ADAMTS18: variants seen among roughly 807,000 people sequenced by gnomAD.
The protein encoded by ADAMTS18 is ADAM metallopeptidase with thrombospondin type 1 motif 18.
In ADAMTS18, 157 loss-of-function variants were observed where a neutral mutation model predicts 165.9. The observed-to-expected ratio is 0.95, with a 90% CI of 0.83 to 1.08. ADAMTS18 has a LOEUF of 1.08. ADAMTS18 is among the 50% of genes least tolerant of loss of function. The pLI is 0.00. For synonymous variants in ADAMTS18, 782 were observed against 578.2 expected, an observed-to-expected ratio of 1.35 and a Z score of -5.06; for missense variants, 2,040 against 1,534.0, an observed-to-expected ratio of 1.33 and a Z score of -5.51.
chr16:77,363,667 T>C, intron 6 of ADAMTS18, 135 bp downstream of exon 6: 3 of 715,392 alleles, frequency 4.2e-6, no homozygotes, highest in Non-Finnish European at 7.3e-6. Flanking sequence ...AAAATTGTAC[T>C]TTGAGGAGAG....
In ADAMTS18 at chr16:77,392,548, C is replaced by G. The variant is rs138973945; in HGVS notation, c.496-24825G>C. Reference sequence around the variant, plus strand: ...CATCACTTCCCATGCCTGCCCCCTGCTTCACTTTCCTTCATTACACTTTAC... The same window carrying G: ...CATCACTTCCCATGCCTGCCCCCTGGTTCACTTTCCTTCATTACACTTTAC... On this transcript the variant is annotated intron_variant, in intron 3 of 22. Transcript: ENST00000282849. Among the ~76,000 whole-genome samples the G allele has an allele frequency of 6.3e-4, 96 of 152,270 alleles. 1 individual carries two copies. Among genetic ancestry groups the G allele is most frequent in the African/African-American group, 2.0e-3 (84 of 41,548 alleles).
intron 12 of ADAMTS18, among the ~76,000 whole-genome samples, chr16:77,332,961 G>A (rs1490026670): frequency 1.3e-5 from 2 of 152,198 alleles, no homozygotes; most frequent in East Asian, 3.9e-4. Flanking sequence ...ACGTGTTGAT[G>A]TACATTCCTG....
intron 3 of ADAMTS18, among the ~76,000 whole-genome samples, chr16:77,411,476 T>C (rs905110751): frequency 6.6e-6 from 1 of 152,092 alleles, no homozygotes; most frequent in Admixed American, 6.6e-5. Context: ...AATAGATCAT[T>C]ATTTTGGAGT....
intron 18 of ADAMTS18, among the ~76,000 whole-genome samples, chr16:77,296,016 G>GTT (rs934092821): frequency 6.8e-6 from 1 of 147,214 alleles, no homozygotes; most frequent in African/African-American, 2.6e-5. Flanking sequence ...AAGTGTGTGT[G>GTT]TGTATATATA....
intron 22 of ADAMTS18, among the ~76,000 whole-genome samples, chr16:77,286,981 C>T (rs1597075555): frequency 6.6e-6 from 1 of 152,244 alleles, no homozygotes; most frequent in African/African-American, 2.4e-5. Context: ...ACAATGACTG[C>T]CCCTAGACTG....
chr16:77,379,443 C>G (rs931292499), intron 3 of ADAMTS18, among the ~76,000 whole-genome samples: 4 of 152,060 alleles, frequency 2.6e-5, no homozygotes, highest in Non-Finnish European at 5.9e-5. Flanking sequence ...TAGACTGTGA[C>G]CATGGACTAG....
chr16:77,370,346 A>T (rs2056858712), intron 3 of ADAMTS18, among the ~76,000 whole-genome samples: 1 of 152,230 alleles, frequency 6.6e-6, no homozygotes, highest in African/African-American at 2.4e-5. Flanking sequence ...CTAAAGAAAC[A>T]ATCAAAAAAC....
intron 10 of ADAMTS18, among the ~76,000 whole-genome samples, chr16:77,352,785 A>G (rs1464615382): frequency 6.6e-6 from 1 of 152,084 alleles, no homozygotes; most frequent in Admixed American, 6.6e-5. Context: ...CTCTTTGGAT[A>G]TTGGGAATAA....
chr16:77,328,058 G>A (rs1247741421), intron 12 of ADAMTS18, among the ~76,000 whole-genome samples: 2 of 152,056 alleles, frequency 1.3e-5, no homozygotes, highest in Non-Finnish European at 2.9e-5. Flanking sequence ...CTCCTTTCCT[G>A]CCAAGCACAA....
chr16:77,287,590 A>C (rs941906322), intron 22 of ADAMTS18, among the ~76,000 whole-genome samples: 1 of 151,654 alleles, frequency 6.6e-6, no homozygotes, highest in South Asian at 2.1e-4. Flanking sequence ...AGATCCTCCC[A>C]CCTCCCCAGT....
intron 11 of ADAMTS18, among the ~76,000 whole-genome samples, chr16:77,338,283 T>C (rs970088761): frequency 6.6e-6 from 1 of 152,146 alleles, no homozygotes; most frequent in African/African-American, 2.4e-5. Context: ...TCACCCAGGC[T>C]GAAGTGCAGT....
At chr16:77,334,058 C>CTATATATGCTATATATAATATACAGTGT (rs2056238465) in intron 12 of ADAMTS18, among the ~76,000 whole-genome samples, 7 of 106,128 alleles carry the variant, frequency 6.6e-5, no homozygotes, top group African/African-American at 2.7e-4. Flanking sequence ...ATATACAGTG[C>CTATATATGCTATATATAATATACAGTGT]TATATATGCT....
intron 11 of ADAMTS18, among the ~76,000 whole-genome samples, chr16:77,340,966 C>T (rs1294646217): frequency 6.6e-6 from 1 of 152,198 alleles, no homozygotes; most frequent in Non-Finnish European, 1.5e-5. Flanking sequence ...CCTGTAACAT[C>T]TCATTATCTC....
intron 12 of ADAMTS18, among the ~76,000 whole-genome samples, chr16:77,335,301 G>C (rs1473019286): frequency 6.6e-6 from 1 of 150,846 alleles, no homozygotes; most frequent in Non-Finnish European, 1.5e-5. Context: ...AACTCACAGA[G>C]CTAGAGCTAG....
intron 11 of ADAMTS18, 92 bp downstream of exon 11, chr16:77,341,612 A>G: frequency 2.0e-6 from 2 of 1,012,472 alleles, no homozygotes; most frequent in Non-Finnish European, 3.1e-6. Context: ...ATAAACTACC[A>G]AAGCATTCAC....
intron 4 of ADAMTS18, among the ~76,000 whole-genome samples, chr16:77,366,350 G>T (rs1415672916): frequency 6.6e-6 from 1 of 152,166 alleles, no homozygotes; most frequent in African/African-American, 2.4e-5. Flanking sequence ...CTGAGGTCAG[G>T]AGTTTGAGAC....
At chr16:77,302,032 C>T (rs1025315) in intron 16 of ADAMTS18, among the ~76,000 whole-genome samples, 13,469 of 123,300 alleles carry the variant, frequency 0.11, 1,014 homozygotes, top group East Asian at 0.28. Context: ...TTTTAACTTT[C>T]GCAGCTAAGT....
intron 16 of ADAMTS18, among the ~76,000 whole-genome samples, chr16:77,315,131 T>C (rs2055863956): frequency 6.6e-6 from 1 of 152,042 alleles, no homozygotes. Context: ...TGGAGACTAA[T>C]CCTTCATTTT....
intron 3 of ADAMTS18, among the ~76,000 whole-genome samples, chr16:77,401,985 C>G (rs1397028896): frequency 6.6e-6 from 1 of 152,126 alleles, no homozygotes; most frequent in Non-Finnish European, 1.5e-5. Context: ...GGTGTTCGGA[C>G]TCAGGTCAAA....
Sources: gnomAD v4.1 joint callset for allele counts (sites outside exome capture counted in the v4.1 genomes callset) on GRCh38, gnomAD v4.1.1 for gene constraint, MANE v1.5 for transcripts, NCBI Gene and HGNC (gene_info 2026-07-23, HGNC 2026-07-21) for gene names.